The following HMCN1 variants were observed in gnomAD, a reference collection of about 807,000 sequenced individuals.
The protein encoded by HMCN1 is hemicentin-1.
HMCN1 carries 321 observed loss-of-function variants against 625.9 expected under a neutral mutation model. The observed-to-expected ratio is 0.51, with a 90% CI of 0.47 to 0.56. The LOEUF (loss-of-function observed/expected upper bound fraction) is 0.56. Among genes scored for constraint, HMCN1 ranks in the 20% least tolerant of loss-of-function variants. The probability of loss-of-function intolerance (pLI) is 0.00; values close to 1 mark genes in which losing one functional copy is unlikely to be tolerated. For synonymous variants in HMCN1, 2,425 were observed against 2,417.6 expected (o/e 1.00, Z -0.09); for missense variants, 6,588 against 6,887.3 (o/e 0.96, Z 1.54).
chr1:186,043,339 GA>G (rs923413938), intron 40 of HMCN1, among the ~76,000 whole-genome samples: 5 of 150,316 alleles, frequency 3.3e-5, no homozygotes, highest in East Asian at 3.9e-4. Context: ...AGACAGGACA[GA>G]AAAAAAAATA....
intron 93 of HMCN1, among the ~76,000 whole-genome samples, chr1:186,148,680 T>G (rs1021417896): frequency 6.6e-6 from 1 of 152,008 alleles, no homozygotes; most frequent in Non-Finnish European, 1.5e-5. Context: ...TTTTTGTATT[T>G]TTTTTTAGTA....
intron 77 of HMCN1, among the ~76,000 whole-genome samples, chr1:186,118,166 T>A (rs1661225339): frequency 6.6e-6 from 1 of 151,954 alleles, no homozygotes; most frequent in Admixed American, 6.6e-5. Context: ...ATTTATAGTA[T>A]TGAAGAAAAA....
At chr1:185,987,854 G>A (rs1413741689) in intron 20 of HMCN1, among the ~76,000 whole-genome samples, 2 of 149,716 alleles carry the variant, frequency 1.3e-5, no homozygotes, top group African/African-American at 5.0e-5. Flanking sequence ...ATAAAGCCCT[G>A]GTCCAAAAAA....
At chr1:186,031,854 T>TA (rs1655460994) in intron 36 of HMCN1, among the ~76,000 whole-genome samples, 1 of 152,106 alleles carries the variant, frequency 6.6e-6, no homozygotes, top group Non-Finnish European at 1.5e-5. Context: ...TGTCTCTTGA[T>TA]TAACATCTAT....
chr1:186,084,914 A>G (rs1174597620), intron 57 of HMCN1, among the ~76,000 whole-genome samples: 1 of 152,084 alleles, frequency 6.6e-6, no homozygotes. Context: ...ATTAAGTAAC[A>G]TGCTCAAAAT....
At chr1:185,980,956 G>A (rs772787533) in intron 16 of HMCN1, 22 bp from the exon 17 acceptor site, 2 of 1,380,186 alleles carry the variant, frequency 1.4e-6, no homozygotes, top group Non-Finnish European at 2.1e-6. Context: ...TATTGGATGA[G>A]TAAATGAGTT....
chr1:185,993,621 G>C (rs139924006), intron 23 of HMCN1, among the ~76,000 whole-genome samples: 1 of 151,848 alleles, frequency 6.6e-6, no homozygotes, highest in East Asian at 1.9e-4. Context: ...TGTTTAAGCC[G>C]GTAGCATTTT....
At chr1:185,755,808 A>T (rs1007745280) in intron 1 of HMCN1, among the ~76,000 whole-genome samples, 1 of 152,288 alleles carries the variant, frequency 6.6e-6, no homozygotes, top group East Asian at 1.9e-4. Flanking sequence ...GAATGGGAGT[A>T]AAGGGGCTAC....
chr1:186,061,847 G>A lies in HMCN1; in HGVS notation c.7313-4G>A, dbSNP rs1409773429. ...TATCTTAAAAAGATGGTTTGCTTCTGCAGGAGGCAGGATGCTACGGCTGAT... is the reference window on the plus strand; with the variant it reads ...TATCTTAAAAAGATGGTTTGCTTCTACAGGAGGCAGGATGCTACGGCTGAT... On this transcript the variant is annotated splice_region_variant and splice_polypyrimidine_tract_variant and intron_variant, in intron 46 of 106. Transcript: ENST00000271588. 1 of 1,596,910 alleles carries A rather than the reference G, an allele frequency of 6.3e-7. No homozygotes were observed. The highest frequency in any genetic ancestry group is 1.1e-5 in the South Asian group (1 of 90,612).
chr1:186,130,494 T>C lies in HMCN1; in HGVS notation c.13040-13T>C, dbSNP rs1356375742. 5.6e-6 allele frequency: 9 copies of C among 1,610,924 alleles called. No individual in the cohort carries two copies. Among genetic ancestry groups the C allele is most frequent in the African/African-American group, 1.3e-5 (1 of 74,846 alleles). On this transcript the variant is annotated splice_polypyrimidine_tract_variant and intron_variant, in intron 84 of 106. Transcript: ENST00000271588. ...TTACTTTTACTTTGTACCTGTCTTATGTTGTTTTCCAGAACCTCCAGTCTT... is the reference window on the plus strand; with the variant it reads ...TTACTTTTACTTTGTACCTGTCTTACGTTGTTTTCCAGAACCTCCAGTCTT...
intron 2 of HMCN1, among the ~76,000 whole-genome samples, chr1:185,855,496 A>G (rs899707271): frequency 2.0e-5 from 3 of 152,100 alleles, no homozygotes; most frequent in Admixed American, 2.0e-4. Flanking sequence ...ATTATAACTC[A>G]TGTGAATTAT....
In HMCN1 at chr1:185,911,701, T is replaced by C. The variant is rs764433934; in HGVS notation, c.821T>C (p.Leu274Pro). The C allele has an allele frequency of 6.2e-6, 10 of 1,613,122 alleles. No individual in the cohort carries two copies. The highest frequency in any genetic ancestry group is 1.3e-5 in the African/African-American group (1 of 74,874). The change falls in exon 6 of 107, where the codon CTG becomes CCG. Residue 274 changes from leucine (L) to proline (P), a missense_variant. Leu to Pro is a moderately conservative substitution (Grantham distance 98). Around this residue, in one of 3 missense-constraint regions of HMCN1, gnomAD observed 4,628 missense variants for 4,853.1 expected, o/e 0.95. Coordinates refer to ENST00000271588, the MANE Select transcript of HMCN1 (RefSeq NM_031935.3). Reference sequence around the variant, plus strand: ...AAGCTGATAAAAAAGGGATTTGGCCTGCATGAGCTATTAAATATCCATAAC... The same window carrying C: ...AAGCTGATAAAAAAGGGATTTGGCCCGCATGAGCTATTAAATATCCATAAC... ...LGKLIKKGFGLHELLNIHNSA... is the reference protein window; with the variant it reads ...LGKLIKKGFGPHELLNIHNSA...
intron 80 of HMCN1, among the ~76,000 whole-genome samples, chr1:186,121,220 G>A (rs1168967179): frequency 1.3e-5 from 2 of 152,060 alleles, no homozygotes; most frequent in Admixed American, 1.3e-4. Flanking sequence ...AAGTAGGCAG[G>A]GCCCATGCAT....
chr1:186,003,215 A>G (rs1461169905), intron 28 of HMCN1, among the ~76,000 whole-genome samples: 1 of 152,168 alleles, frequency 6.6e-6, no homozygotes, highest in East Asian at 1.9e-4. Flanking sequence ...AATAAGCTTG[A>G]TAATCCTGAG....
intron 1 of HMCN1, among the ~76,000 whole-genome samples, chr1:185,750,003 T>C (rs1256828056): frequency 6.6e-6 from 1 of 152,210 alleles, no homozygotes; most frequent in Admixed American, 6.5e-5. Flanking sequence ...CTTCCCTGAT[T>C]ACCCACCTAA....
chr1:185,909,725 A>G (rs1251482953), intron 5 of HMCN1, among the ~76,000 whole-genome samples: 2 of 152,142 alleles, frequency 1.3e-5, no homozygotes, highest in Non-Finnish European at 2.9e-5. Context: ...TCTCGTATTT[A>G]AAGAGGTCAG....
chr1:186,010,813 T>C (rs1653952113), intron 30 of HMCN1, among the ~76,000 whole-genome samples: 1 of 152,200 alleles, frequency 6.6e-6, no homozygotes, highest in East Asian at 1.9e-4. Flanking sequence ...TGCAGACCAT[T>C]AGGCAAAATA....
chr1:185,979,790 T>C (rs1474907807), intron 16 of HMCN1, among the ~76,000 whole-genome samples: 1 of 152,196 alleles, frequency 6.6e-6, no homozygotes, highest in Non-Finnish European at 1.5e-5. Flanking sequence ...TATGGGACTA[T>C]GGATGCTGGA....
chr1:185,941,048 TG>T (rs1465292051), intron 11 of HMCN1, among the ~76,000 whole-genome samples: 3 of 152,084 alleles, frequency 2.0e-5, no homozygotes, highest in African/African-American at 7.2e-5. Context: ...GTAGAGACGG[TG>T]TTTCACCATG....
Sources: gnomAD v4.1 joint callset for allele counts (sites outside exome capture counted in the v4.1 genomes callset) on GRCh38, gnomAD v4.1.1 for gene constraint, gnomAD v4.1.1 regional missense constraint, MANE v1.5 for transcripts, NCBI Gene and HGNC (gene_info 2026-07-23, HGNC 2026-07-21) for gene names.